The following SGCZ variants were observed in gnomAD, a reference collection of about 807,000 sequenced individuals.
The protein encoded by SGCZ is sarcoglycan zeta, also known as zeta-sarcoglycan.
Under a neutral mutation model 41.3 loss-of-function variants are expected in SGCZ, and 40 were observed. The ratio of observed to expected loss-of-function variants is 0.97; its 90% CI spans 0.75 to 1.26. The LOEUF is 1.26. Ranked by LOEUF, SGCZ falls within the 50% of genes most tolerant of loss-of-function variation. The pLI is 0.00. For missense variants in SGCZ, 552 were observed against 369.8 expected, an observed-to-expected ratio of 1.49 and a Z score of -4.04; for synonymous variants, 206 against 137.5, an observed-to-expected ratio of 1.50 and a Z score of -3.49.
intron 3 of SGCZ, among the ~76,000 whole-genome samples, chr8:14,246,997 A>G (rs541521773): frequency 2.7e-5 from 4 of 150,554 alleles, no homozygotes; most frequent in African/African-American, 9.8e-5. Context: ...TGAAATTTTT[A>G]TGTTAAAGGA....
rs142485862 is a variant in SGCZ at position 15,181,690 on chromosome 8, G to T, written c.39+55895C>A. ...TCACCTAAAAAGCAGATAACTTTTCGAAAGTCGCTAGGGCAAGAGGTCACT... is the reference window on the plus strand; with the variant it reads ...TCACCTAAAAAGCAGATAACTTTTCTAAAGTCGCTAGGGCAAGAGGTCACT... On this transcript the variant is annotated intron_variant, in intron 1 of 7. Coordinates refer to ENST00000382080, the MANE Select transcript of SGCZ (RefSeq NM_139167.4). Among the ~76,000 whole-genome samples, 12 of 152,190 alleles carry T rather than the reference G, an allele frequency of 7.9e-5. 1 individual carries two copies. Among genetic ancestry groups the T allele is most frequent in the Admixed American group, 6.5e-4 (10 of 15,286 alleles).
At chr8:14,823,342 T>C (rs916500508) in intron 1 of SGCZ, among the ~76,000 whole-genome samples, 2 of 151,828 alleles carry the variant, frequency 1.3e-5, no homozygotes, top group East Asian at 1.9e-4. Flanking sequence ...TTTAACAAGA[T>C]TTAAAATCCA....
intron 5 of SGCZ, among the ~76,000 whole-genome samples, chr8:14,127,351 T>A (rs1802893136): frequency 6.6e-6 from 1 of 152,204 alleles, no homozygotes; most frequent in Non-Finnish European, 1.5e-5. Context: ...AATGAATTAC[T>A]ATAAATGACT....
At chr8:14,859,596 A>G (rs750515318) in intron 1 of SGCZ, among the ~76,000 whole-genome samples, 12 of 152,106 alleles carry the variant, frequency 7.9e-5, no homozygotes, top group African/African-American at 1.9e-4. Flanking sequence ...AATTGTCCCA[A>G]TATAATGAAA....
At position 14,719,851 on chromosome 8, in the gene SGCZ, G is replaced by A. The variant is rs1024475529; in HGVS notation, c.40-164925C>T. ...TTTCTTTTGCTGTGCAGAAGCTCTT[G>A]AGTTTAATGAGATCCCATTTGTCAA... is the stretch of plus-strand genomic sequence containing the variant. On this transcript the variant is annotated intron_variant, in intron 1 of 7. Coordinates refer to ENST00000382080, the MANE Select transcript of SGCZ (RefSeq NM_139167.4). 7.6e-4 allele frequency among the ~76,000 whole-genome samples: 115 copies of A among 151,984 alleles called. 1 individual carries two copies. The highest frequency in any genetic ancestry group is 4.0e-4 in the Non-Finnish European group (27 of 67,952).
intron 1 of SGCZ, among the ~76,000 whole-genome samples, chr8:15,040,505 T>C (rs1013606992): frequency 6.6e-6 from 1 of 152,068 alleles, no homozygotes; most frequent in Non-Finnish European, 1.5e-5. Context: ...TAATCCCAGC[T>C]ACTCGGGAGG....
intron 1 of SGCZ, among the ~76,000 whole-genome samples, chr8:14,986,774 G>T (rs1487450424): frequency 1.3e-5 from 2 of 151,912 alleles, no homozygotes; most frequent in African/African-American, 4.8e-5. Context: ...AGAAGCCTAA[G>T]GCAAACTTCT....
chr8:14,429,441 A>C (rs1340317646), intron 2 of SGCZ, among the ~76,000 whole-genome samples: 1 of 152,202 alleles, frequency 6.6e-6, no homozygotes, highest in African/African-American at 2.4e-5. Context: ...GGAGGAGGCC[A>C]GCAGCAAGGC....
chr8:15,056,709 T>C lies in SGCZ; in HGVS notation c.39+180876A>G, dbSNP rs577282352. Among the ~76,000 whole-genome samples the C allele has an allele frequency of 2.6e-5, 4 of 152,282 alleles. No individual in the cohort carries two copies. The East Asian group carries it at 5.8e-4, about 22-fold the overall frequency. ...AGGAGATTTTGCACAAATGGTTGTA[T>C]ATGCATGTTTAACTTGAGCTAAGAC... On this transcript the variant is annotated intron_variant, in intron 1 of 7. Transcript: ENST00000382080.
At chr8:14,690,344 G>A (rs1401190906) in intron 1 of SGCZ, 2 of 151,968 alleles carry the variant, frequency 1.3e-5, no homozygotes, top group Non-Finnish European at 2.9e-5. Flanking sequence ...TGCCTCCTGT[G>A]TGGGCTTGCT....
chr8:14,163,351 G>A (rs1804105828), intron 5 of SGCZ, among the ~76,000 whole-genome samples: 1 of 152,082 alleles, frequency 6.6e-6, no homozygotes, highest in Admixed American at 6.5e-5. Context: ...TCCAGTGTGT[G>A]TTGTTCCCCT....
intron 1 of SGCZ, among the ~76,000 whole-genome samples, chr8:14,568,932 G>A (rs1488655733): frequency 2.0e-5 from 3 of 152,122 alleles, no homozygotes; most frequent in Non-Finnish European, 4.4e-5. Flanking sequence ...GGGAGGAAGT[G>A]AAATTGTATT....
chr8:14,881,726 T>C (rs1224090761), intron 1 of SGCZ, among the ~76,000 whole-genome samples: 8 of 152,206 alleles, frequency 5.3e-5, no homozygotes, highest in African/African-American at 1.4e-4. Flanking sequence ...CCAGATCAAG[T>C]GTACCTGATA....
chr8:14,317,037 A>C (rs7015616), intron 3 of SGCZ, among the ~76,000 whole-genome samples: 1 of 151,640 alleles, frequency 6.6e-6, no homozygotes, highest in Non-Finnish European at 1.5e-5. Context: ...TGTTACATTT[A>C]CTCTTCCTCT....
intron 3 of SGCZ, among the ~76,000 whole-genome samples, chr8:14,254,298 A>G (rs1214795711): frequency 6.6e-6 from 1 of 152,220 alleles, no homozygotes; most frequent in Non-Finnish European, 1.5e-5. Context: ...ATATTTTCCC[A>G]CAATACTAGC....
intron 2 of SGCZ, among the ~76,000 whole-genome samples, chr8:14,443,386 C>A (rs1423874644): frequency 6.6e-6 from 1 of 152,238 alleles, no homozygotes; most frequent in Admixed American, 6.5e-5. Flanking sequence ...AAGCTGGAGG[C>A]ATCACACTAC....
intron 2 of SGCZ, among the ~76,000 whole-genome samples, chr8:14,547,476 G>C (rs1449537961): frequency 1.4e-4 from 22 of 152,126 alleles, no homozygotes. Flanking sequence ...TCTTTTTTAT[G>C]CCTTCATCAA....
At position 14,843,383 on chromosome 8, in the gene SGCZ, A is replaced by G. The variant is rs113974050; in HGVS notation, c.40-288457T>C. 3.9e-3 allele frequency among the ~76,000 whole-genome samples: 599 copies of G among 152,242 alleles called. 6 individuals carry two copies. Among genetic ancestry groups the G allele is most frequent in the African/African-American group, 0.014 (576 of 41,542 alleles). ...TAATGTCATAAAACTAGTGAAATCA[A>G]CACAGGCCAATTAGAATTTCAGGTA... On this transcript the variant is annotated intron_variant, in intron 1 of 7. Transcript: ENST00000382080.
chr8:14,664,908 C>G (rs969906587), intron 1 of SGCZ, among the ~76,000 whole-genome samples: 5 of 152,134 alleles, frequency 3.3e-5, no homozygotes, highest in African/African-American at 7.2e-5. Flanking sequence ...GGCTTTGAGA[C>G]CAGGTCACCT....
Sources: gnomAD v4.1 joint callset for allele counts (sites outside exome capture counted in the v4.1 genomes callset) on GRCh38, gnomAD v4.1.1 for gene constraint, MANE v1.5 for transcripts, NCBI Gene and HGNC (gene_info 2026-07-23, HGNC 2026-07-21) for gene names.